Variants in GLYATL1 observed in about 807,000 individuals in gnomAD.
GLYATL1 encodes the protein glycine-N-acyltransferase like 1, also known as glycine N-acyltransferase-like protein 1.
GLYATL1 carries 15 observed loss-of-function variants against 20.0 expected under a neutral mutation model. The observed-to-expected ratio is 0.75, with a 90% CI of 0.50 to 1.15. The LOEUF (loss-of-function observed/expected upper bound fraction) is 1.15, where lower values mean the gene tolerates loss of function less well. GLYATL1 is among the 50% of genes most tolerant of loss of function. GLYATL1 has a pLI of 0.00. For missense variants in GLYATL1, 380 were observed against 368.5 expected (o/e 1.03, Z -0.26); for synonymous variants, 151 against 131.5 (o/e 1.15, Z -1.01).
At chr11:58,953,377 T>C (rs1402631650) in intron 4 of GLYATL1, among the ~76,000 whole-genome samples, 1 of 149,158 alleles carries the variant, frequency 6.7e-6, no homozygotes, top group African/African-American at 2.5e-5. Context: ...TCTGTTCTCA[T>C]AGCTTACAGT....
chr11:58,948,296 T>C (rs542363), intron 4 of GLYATL1, among the ~76,000 whole-genome samples: 146,582 of 152,228 alleles, frequency 0.96, 70,798 homozygotes, highest in East Asian at 1. Flanking sequence ...TCTGAGATAT[T>C]AGAACAGTGG....
At position 58,945,781 on chromosome 11, in the gene GLYATL1, G is replaced by A. The variant is rs77728537; in HGVS notation, c.-42-1265G>A. ...GAACAGCAGAGTCAGACAGGGGATA[G>A]GCTCATGTCAGAGATCCAGTTTTAT... On this transcript the variant is annotated intron_variant, in intron 2 of 6. Coordinates refer to ENST00000532726, the MANE Select transcript of GLYATL1 (RefSeq NM_001389712.2). 3.5e-3 allele frequency among the ~76,000 whole-genome samples: 539 copies of A among 152,174 alleles called. 9 individuals carry two copies. In the East Asian group the frequency reaches 0.046, roughly 13 times the overall value.
At chr11:58,941,074 T>C (rs1187525789) in intron 1 of GLYATL1, among the ~76,000 whole-genome samples, 1 of 151,866 alleles carries the variant, frequency 6.6e-6, no homozygotes, top group African/African-American at 2.4e-5. Flanking sequence ...AGTTTTAGGG[T>C]ACATGTGCAC....
intron 1 of GLYATL1, among the ~76,000 whole-genome samples, chr11:58,906,064 G>A (rs1854873055): frequency 6.6e-6 from 1 of 152,222 alleles, no homozygotes; most frequent in South Asian, 2.1e-4. Flanking sequence ...CGAATCGGGA[G>A]CAGCGGGCAC....
intron 1 of GLYATL1, among the ~76,000 whole-genome samples, chr11:58,917,545 G>C (rs1332955699): frequency 6.6e-6 from 1 of 152,220 alleles, no homozygotes; most frequent in Non-Finnish European, 1.5e-5. Flanking sequence ...AGGATTACAT[G>C]TGACTCTTGC....
intron 3 of GLYATL1, 141 bp from the exon 4 acceptor site, chr11:58,947,717 C>CGGAG (rs1856676870): frequency 3.1e-6 from 2 of 652,116 alleles, no homozygotes; most frequent in African/African-American, 3.6e-5. Flanking sequence ...TGGTCCTCTC[C>CGGAG]AGGACCATAC....
At chr11:58,950,532 A>G (rs1234384112) in intron 4 of GLYATL1, among the ~76,000 whole-genome samples, 1 of 152,162 alleles carries the variant, frequency 6.6e-6, no homozygotes, top group Admixed American at 6.5e-5. Flanking sequence ...GCTTCAATAA[A>G]CATCTTCATA....
upstream of GLYATL1, among the ~76,000 whole-genome samples, chr11:58,936,382 C>T (rs1431764195): frequency 6.6e-6 from 1 of 152,234 alleles, no homozygotes; most frequent in Non-Finnish European, 1.5e-5. Context: ...TGGTTTTGCA[C>T]ATGCAATCAT....
chr11:58,928,365 T>C (rs535218), intron 1 of GLYATL1: 78,850 of 151,958 alleles, frequency 0.52, 20,462 homozygotes, highest in East Asian at 0.58. Context: ...CTTTGTTTCC[T>C]GGGGGCCCGT....
At chr11:58,925,240 T>G (rs569181096), upstream of GLYATL1, among the ~76,000 whole-genome samples, 1 of 152,332 alleles carries the variant, frequency 6.6e-6, no homozygotes, top group South Asian at 2.1e-4. Context: ...AATGTCTAGT[T>G]TACAGAAAAA....
In GLYATL1 at chr11:58,955,205, A is replaced by G; in HGVS notation, c.343A>G (p.Arg115Gly). Residue 115 changes from arginine (R) to glycine (G), a missense_variant, in exon 6 of 7, where the codon AGA becomes GGA. Arg to Gly is a moderately radical substitution (Grantham distance 125). Transcript: ENST00000532726. ...TCAAGAAAGTTTAGGTGAGGGGATAAGAGTGGCTACATTTTCAAAGTCAGT... is the reference window on the plus strand; with the variant it reads ...TCAAGAAAGTTTAGGTGAGGGGATAGGAGTGGCTACATTTTCAAAGTCAGT... ...GLQESLGEGI[R>G]VATFSKSVKV... The G allele has an allele frequency of 6.2e-7, 1 of 1,613,990 alleles. No individual in the cohort carries two copies. Among genetic ancestry groups the G allele is most frequent in the Non-Finnish European group, 8.5e-7 (1 of 1,179,940 alleles).
chr11:58,953,132 AC>A (rs1857113672), intron 4 of GLYATL1, among the ~76,000 whole-genome samples: 1 of 152,242 alleles, frequency 6.6e-6, no homozygotes, highest in Non-Finnish European at 1.5e-5. Flanking sequence ...CTTTGTAGCA[AC>A]ATGGCTGAAG....
chr11:58,933,016 A>G lies in GLYATL1; in HGVS notation c.-212+5187A>G, dbSNP rs148256157. ...GAATATGTTTCATAGTTTTTTAAAA[A>G]CACAGTGTATAAGAGGTAAAGGAAG... On this transcript the variant is annotated intron_variant, in intron 1 of 7. Coordinates refer to the GLYATL1 transcript ENST00000317391. 6.4e-4 allele frequency among the ~76,000 whole-genome samples: 98 copies of G among 152,342 alleles called. No homozygotes were observed. The East Asian group carries it at 0.015, about 24-fold the overall frequency.
At chr11:58,949,341 A>G (rs1283902977) in intron 4 of GLYATL1, among the ~76,000 whole-genome samples, 1 of 152,188 alleles carries the variant, frequency 6.6e-6, no homozygotes, top group African/African-American at 2.4e-5. Context: ...TGAGGAACAA[A>G]GGGGTAAAGG....
chr11:58,930,079 A>G (rs926234694), intron 1 of GLYATL1, among the ~76,000 whole-genome samples: 1 of 151,710 alleles, frequency 6.6e-6, no homozygotes, highest in African/African-American at 2.4e-5. Flanking sequence ...TGGCCAGAGT[A>G]GAAGCTCAGG....
At chr11:58,942,321 A>G (rs529085347) in intron 1 of GLYATL1, among the ~76,000 whole-genome samples, 1 of 152,188 alleles carries the variant, frequency 6.6e-6, no homozygotes, top group Non-Finnish European at 1.5e-5. Context: ...GAAGAAAGCA[A>G]TATCTCTAGC....
intron 1 of GLYATL1, among the ~76,000 whole-genome samples, chr11:58,916,371 C>T (rs1855171918): frequency 6.6e-6 from 1 of 152,192 alleles, no homozygotes; most frequent in Non-Finnish European, 1.5e-5. Context: ...ACGATTACCC[C>T]ATATGGTTCT....
chr11:58,909,385 G>C (rs181672056), downstream of GLYATL1, among the ~76,000 whole-genome samples: 1 of 152,222 alleles, frequency 6.6e-6, no homozygotes, highest in East Asian at 1.9e-4. Context: ...CTTATGTTAA[G>C]TGTTCTTATT....
intron 1 of GLYATL1, among the ~76,000 whole-genome samples, chr11:58,905,826 T>C (rs972056347): frequency 6.6e-6 from 1 of 152,242 alleles, no homozygotes; most frequent in Admixed American, 6.5e-5. Context: ...TGCACTCTCA[T>C]CCCTTTTCCT....
Sources: allele counts gnomAD v4.1 joint callset (sites outside exome capture counted in the v4.1 genomes callset), GRCh38; gene constraint gnomAD v4.1.1; transcripts MANE v1.5; gene names NCBI Gene and HGNC (gene_info 2026-07-23, HGNC 2026-07-21).